ZNF292: variants seen among roughly 807,000 people sequenced by gnomAD.
ZNF292 encodes the protein 16 zinc-finger domain protein.
Under a neutral mutation model 217.9 loss-of-function variants are expected in ZNF292, and 26 were observed. The ratio of observed to expected loss-of-function variants is 0.12; its 90% CI spans 0.09 to 0.17. The LOEUF is 0.17. Among genes scored for constraint, ZNF292 ranks in the 10% least tolerant of loss-of-function variants. ZNF292 has a pLI of 1.00. For synonymous variants in ZNF292, 1,257 were observed against 1,124.1 expected, an observed-to-expected ratio of 1.12 and a Z score of -2.37; for missense variants, 2,904 against 3,175.2, an observed-to-expected ratio of 0.91 and a Z score of 2.05.
At chr6:87,172,460 G>A (rs1024430830) in intron 1 of ZNF292, among the ~76,000 whole-genome samples, 17 of 152,136 alleles carry the variant, frequency 1.1e-4, no homozygotes, top group African/African-American at 4.1e-4. Context: ...TTGCCCAGGA[G>A]TCAGTGAGTG....
chr6:87,260,970 T>C lies in ZNF292; in HGVS notation c.7341T>C (p.Asp2447=), dbSNP rs777201540. The C allele has an allele frequency of 5.0e-6, 8 of 1,609,494 alleles. No homozygotes were observed. The highest frequency in any genetic ancestry group is 6.8e-6 in the Non-Finnish European group (8 of 1,177,662). The change falls in exon 8 of 8, where the codon GAT becomes GAC. Residue 2447 remains aspartate, a synonymous_variant. Coordinates refer to ENST00000369577, the MANE Select transcript of ZNF292 (RefSeq NM_015021.3). ...ETSEQEGAKN[D]VKDSDTCVSE... is the part of the protein sequence containing the mutation. Reference sequence around the variant, plus strand: ...CTGAGCAAGAAGGTGCTAAGAATGATGTGAAAGATTCTGACACGTGTGTAT... The same window carrying C: ...CTGAGCAAGAAGGTGCTAAGAATGACGTGAAAGATTCTGACACGTGTGTAT...
intron 5 of ZNF292, among the ~76,000 whole-genome samples, chr6:87,234,382 C>G (rs1773797320): frequency 6.6e-6 from 1 of 152,016 alleles, no homozygotes; most frequent in African/African-American, 2.4e-5. Context: ...CGTAGTGAAA[C>G]TCCTCTCTCT....
chr6:87,210,741 C>T (rs1379720006), intron 1 of ZNF292, among the ~76,000 whole-genome samples: 1 of 152,084 alleles, frequency 6.6e-6, no homozygotes, highest in Non-Finnish European at 1.5e-5. Flanking sequence ...GATCATGCCA[C>T]TGCATTCCAG....
chr6:87,163,666 T>TAAG (rs1444482744), intron 1 of ZNF292, among the ~76,000 whole-genome samples: 1 of 152,114 alleles, frequency 6.6e-6, no homozygotes, highest in East Asian at 1.9e-4. Flanking sequence ...AGTGGGGTAG[T>TAAG]AAGCATGGAT....
chr6:87,198,428 TCTC>T (rs1429859051), intron 1 of ZNF292, among the ~76,000 whole-genome samples: 15 of 152,202 alleles, frequency 9.9e-5, no homozygotes, highest in Non-Finnish European at 1.8e-4. Context: ...ATAGTCTTGA[TCTC>T]CTCACCTCGT....
chr6:87,200,884 A>G (rs1283477974), intron 1 of ZNF292, among the ~76,000 whole-genome samples: 1 of 152,236 alleles, frequency 6.6e-6, no homozygotes, highest in Non-Finnish European at 1.5e-5. Flanking sequence ...TGTTAAATTC[A>G]TAATTGATTT....
chr6:87,156,141 C>G (rs550470463), intron 1 of ZNF292, among the ~76,000 whole-genome samples: 15 of 152,344 alleles, frequency 9.8e-5, no homozygotes, highest in Admixed American at 2.0e-4. Context: ...CCGCGCCTCC[C>G]GCCTCTGCGC....
At chr6:87,229,786 A>G (rs1328566394) in intron 4 of ZNF292, among the ~76,000 whole-genome samples, 1 of 152,214 alleles carries the variant, frequency 6.6e-6, no homozygotes, top group African/African-American at 2.4e-5. Context: ...AGGATAAGTG[A>G]TCCTTGCTTT....
In ZNF292 at chr6:87,257,545, A is replaced by C; in HGVS notation, c.3916A>C (p.Asn1306His). ...TTCCTCACAGATTGAAGGAAACACT[A>C]ATTCCTCCTTTCTAAAGGGGGGTAA... ...HYSSQIEGNT[N>H]SSFLKGGNGE... The change falls in exon 8 of 8, where the codon AAT becomes CAT. Residue 1306 changes from asparagine to histidine, a missense_variant. Around this residue, in one of 15 missense-constraint regions of ZNF292, gnomAD observed 687 missense variants for 623.0 expected, o/e 1.10. Transcript: ENST00000369577. The C allele has an allele frequency of 6.2e-7, 1 of 1,607,764 alleles. No individual in the cohort carries two copies. The highest frequency in any genetic ancestry group is 1.1e-5 in the South Asian group (1 of 90,088).
intron 1 of ZNF292, among the ~76,000 whole-genome samples, chr6:87,194,420 C>A (rs1220567629): frequency 6.6e-6 from 1 of 151,868 alleles, no homozygotes; most frequent in Non-Finnish European, 1.5e-5. Flanking sequence ...TAAATGAATT[C>A]TTTGAAAAAG....
At chr6:87,178,552 C>T (rs1472602482) in intron 1 of ZNF292, among the ~76,000 whole-genome samples, 2 of 152,070 alleles carry the variant, frequency 1.3e-5, no homozygotes, top group East Asian at 3.9e-4. Flanking sequence ...AAGTTATATG[C>T]CAGGAACTGT....
At chr6:87,179,423 A>G (rs1011387518) in intron 1 of ZNF292, among the ~76,000 whole-genome samples, 2 of 152,058 alleles carry the variant, frequency 1.3e-5, no homozygotes, top group Admixed American at 6.6e-5. Flanking sequence ...AGCCTCCCAA[A>G]GTGCTGGGAT....
At chr6:87,210,666 A>G (rs1772444642) in intron 1 of ZNF292, among the ~76,000 whole-genome samples, 1 of 152,030 alleles carries the variant, frequency 6.6e-6, no homozygotes, top group Non-Finnish European at 1.5e-5. Flanking sequence ...TGTAGTCCCA[A>G]CTACACGGGA....
At chr6:87,204,849 C>G (rs1000046648) in intron 1 of ZNF292, among the ~76,000 whole-genome samples, 6 of 152,086 alleles carry the variant, frequency 3.9e-5, no homozygotes, top group Non-Finnish European at 8.8e-5. Context: ...CAGGCGTGAA[C>G]CACTGCGCCT....
chr6:87,243,413 T>C (rs1774412915), intron 5 of ZNF292, 62 bp from the exon 6 acceptor site: 4 of 1,359,884 alleles, frequency 2.9e-6, no homozygotes, highest in Admixed American at 3.1e-5. Context: ...ACTAAAGGTA[T>C]ATTGCTCTAT....
intron 1 of ZNF292, among the ~76,000 whole-genome samples, chr6:87,173,019 A>G (rs1386132170): frequency 6.6e-6 from 1 of 152,146 alleles, no homozygotes; most frequent in African/African-American, 2.4e-5. Context: ...ATGATGTAAT[A>G]TTGTATTATA....
chr6:87,198,679 G>A (rs925803682), intron 1 of ZNF292, among the ~76,000 whole-genome samples: 6 of 152,190 alleles, frequency 3.9e-5, no homozygotes, highest in Non-Finnish European at 2.9e-5. Flanking sequence ...ATCTGAAACT[G>A]AGCCAGATGT....
intron 1 of ZNF292, among the ~76,000 whole-genome samples, chr6:87,195,897 A>G (rs1233514459): frequency 8.6e-5 from 13 of 151,906 alleles, no homozygotes; most frequent in Admixed American, 8.5e-4. Flanking sequence ...GCATGGTGGC[A>G]CAAGCCTGTA....
At chr6:87,213,321 A>G (rs1003263952) in intron 1 of ZNF292, among the ~76,000 whole-genome samples, 8 of 152,200 alleles carry the variant, frequency 5.3e-5, no homozygotes, top group African/African-American at 1.9e-4. Context: ...CATAAATTTA[A>G]TTTTCACAGA....
Sources: gnomAD v4.1 joint callset for allele counts (sites outside exome capture counted in the v4.1 genomes callset) on GRCh38, gnomAD v4.1.1 for gene constraint, gnomAD v4.1.1 regional missense constraint, MANE v1.5 for transcripts, NCBI Gene and HGNC (gene_info 2026-07-23, HGNC 2026-07-21) for gene names.